Variants in LCOR observed in about 807,000 individuals in gnomAD.
The protein encoded by LCOR is ligand dependent nuclear receptor corepressor.
In LCOR, 14 loss-of-function variants were observed where a neutral mutation model predicts 64.4. The ratio of observed to expected loss-of-function variants is 0.22; its 90% CI spans 0.14 to 0.34. LCOR has a LOEUF of 0.34. Among genes scored for constraint, LCOR ranks in the 10% least tolerant of loss-of-function variants. The pLI is 1.00. For synonymous variants in LCOR, 643 were observed against 642.5 expected (o/e 1.00, Z -0.01); for missense variants, 1,686 against 1,765.3 (o/e 0.96, Z 0.80).
At chr10:96,891,273 T>G (rs180977232) in intron 2 of LCOR, among the ~76,000 whole-genome samples, 25 of 152,134 alleles carry the variant, frequency 1.6e-4, no homozygotes, top group Non-Finnish European at 1.8e-4. Flanking sequence ...TCATCTAGAT[T>G]ATCTAATTTG....
rs373104510 is a variant in LCOR at position 96,955,417 on chromosome 10, A to G, written c.332+3221A>G. On this transcript the variant is annotated intron_variant, in intron 7 of 7. Coordinates refer to ENST00000421806, the MANE Select transcript of LCOR (RefSeq NM_001346516.2). ...GTTCGAGGAATGGATCTTTCTTGGG[A>G]GTCTCGCACTGGTGATCAGTACAGC... 1.8e-5 allele frequency: 29 copies of G among 1,614,184 alleles called. No individual in the cohort carries two copies. In the African/African-American group the frequency reaches 2.5e-4, roughly 14 times the overall value.
chr10:96,977,079 T>C (rs779610417), intron 7 of LCOR, among the ~76,000 whole-genome samples: 2 of 152,222 alleles, frequency 1.3e-5, no homozygotes, highest in Non-Finnish European at 2.9e-5. Context: ...TATAGTCACC[T>C]ACCTTGGAAA....
In LCOR at chr10:96,912,424, C is replaced by T. The variant is rs549127027; in HGVS notation, c.-184+4677C>T. Among the ~76,000 whole-genome samples the T allele has an allele frequency of 9.2e-5, 14 of 152,250 alleles. No homozygotes were observed. In the South Asian group the frequency reaches 2.7e-3, roughly 29 times the overall value. ...CAATAGTATAATCTGCAAACCTTTG[C>T]GAATTTGCCAGTTATCCCACTAGTG... On this transcript the variant is annotated intron_variant, in intron 4 of 7. Coordinates refer to ENST00000421806, the MANE Select transcript of LCOR (RefSeq NM_001346516.2).
chr10:96,953,333 C>T (rs969618503), intron 7 of LCOR, among the ~76,000 whole-genome samples: 2 of 152,068 alleles, frequency 1.3e-5, no homozygotes, highest in African/African-American at 4.8e-5. Context: ...GGGCAGATCA[C>T]TTGAGGTCAG....
intron 4 of LCOR, among the ~76,000 whole-genome samples, chr10:96,909,450 A>G (rs1846790692): frequency 6.6e-6 from 1 of 152,136 alleles, no homozygotes; most frequent in Admixed American, 6.5e-5. Context: ...TGTCAATATT[A>G]TCTGTGCCAA....
At chr10:96,927,320 C>A (rs1429798817) in intron 4 of LCOR, among the ~76,000 whole-genome samples, 1 of 151,968 alleles carries the variant, frequency 6.6e-6, no homozygotes, top group Non-Finnish European at 1.5e-5. Flanking sequence ...TTGTTTGAAT[C>A]TTTTACCAAT....
At chr10:96,840,284 G>C (rs1360661540) in intron 2 of LCOR, among the ~76,000 whole-genome samples, 1 of 152,040 alleles carries the variant, frequency 6.6e-6, no homozygotes, top group Non-Finnish European at 1.5e-5. Context: ...TCTACTTTTT[G>C]ATAAAGAGAG....
chr10:96,833,975 CTT>C (rs1845395918), intron 2 of LCOR, among the ~76,000 whole-genome samples: 1 of 152,164 alleles, frequency 6.6e-6, no homozygotes, highest in Admixed American at 6.5e-5. Flanking sequence ...AGCTCAGTGT[CTT>C]TGTGTTTGAG....
chr10:96,888,501 A>T (rs560233619), intron 2 of LCOR, among the ~76,000 whole-genome samples: 48 of 151,916 alleles, frequency 3.2e-4, no homozygotes, highest in Non-Finnish European at 5.9e-4. Flanking sequence ...TTCTGATAGG[A>T]TCAGTAGTGA....
chr10:96,884,091 G>A lies in LCOR; in HGVS notation c.-329-23174G>A, dbSNP rs568364336. 6.4e-4 allele frequency among the ~76,000 whole-genome samples: 98 copies of A among 152,040 alleles called. 3 individuals are homozygous for A. In the South Asian group the frequency reaches 0.02, roughly 31 times the overall value. On this transcript the variant is annotated intron_variant, in intron 2 of 7. Coordinates refer to ENST00000421806, the MANE Select transcript of LCOR (RefSeq NM_001346516.2). ...TTTGCATAAATTATTCAAGTTCAGG[G>A]ACTTCTGAAGATTCAGGAGGTCAAA...
chr10:96,958,218 A>G, intron 7 of LCOR: 1 of 1,300,468 alleles, frequency 7.7e-7, no homozygotes, highest in Non-Finnish European at 9.8e-7. Context: ...CCCTCTCAGA[A>G]AGACATCACT....
In LCOR at chr10:96,981,525, G is replaced by T. The variant is rs1848085739; in HGVS notation, c.1065G>T (p.Gly355=). 6.2e-7 allele frequency: 1 copy of T among 1,614,062 alleles called. No homozygotes were observed. The highest frequency in any genetic ancestry group is 2.2e-5 in the East Asian group (1 of 44,900). Reference sequence around the variant, plus strand: ...TATCAGAAGAGGCTTGGAACTCAGGGTTTATGGGGAACTCATCTAGAACTG... The same window carrying T: ...TATCAGAAGAGGCTTGGAACTCAGGTTTTATGGGGAACTCATCTAGAACTG... The part of the protein sequence containing the change: ...KALSEEAWNS[G]FMGNSSRTAD... Residue 355 remains glycine, a synonymous_variant, in exon 8 of 8, where the codon GGG becomes GGT. Coordinates refer to ENST00000421806, the MANE Select transcript of LCOR (RefSeq NM_001346516.2).
At chr10:96,886,703 A>T (rs1188940852) in intron 2 of LCOR, among the ~76,000 whole-genome samples, 2 of 152,090 alleles carry the variant, frequency 1.3e-5, no homozygotes, top group East Asian at 3.9e-4. Flanking sequence ...ATTTTACTGG[A>T]TTGTTTGTCT....
chr10:96,958,250 C>A, intron 7 of LCOR: 1 of 1,329,146 alleles, frequency 7.5e-7, no homozygotes, highest in Non-Finnish European at 9.6e-7. Flanking sequence ...AAAAATCTGG[C>A]CCTAAAAGTT....
At chr10:96,929,799 C>T (rs1192854236) in intron 4 of LCOR, among the ~76,000 whole-genome samples, 1 of 152,152 alleles carries the variant, frequency 6.6e-6, no homozygotes, top group Non-Finnish European at 1.5e-5. Flanking sequence ...GCAACTCTTC[C>T]TTTCACTTGA....
chr10:96,927,424 T>G lies in LCOR; in HGVS notation c.-183-16689T>G, dbSNP rs138744520. ...GTTATACAAATATTTTCTCTGAGGCTTGTCTTTTTCTTTGCGTCATTTGAA... is the reference window on the plus strand; with the variant it reads ...GTTATACAAATATTTTCTCTGAGGCGTGTCTTTTTCTTTGCGTCATTTGAA... On this transcript the variant is annotated intron_variant, in intron 4 of 7. Transcript: ENST00000421806. 9.7e-3 allele frequency among the ~76,000 whole-genome samples: 1,469 copies of G among 152,200 alleles called. 31 individuals are homozygous for G. The highest frequency in any genetic ancestry group is 0.033 in the African/African-American group (1,389 of 41,576).
At position 96,926,728 on chromosome 10, in the gene LCOR, AG is replaced by A. The variant is rs145832429; in HGVS notation, c.-183-17384del. Among the ~76,000 whole-genome samples the A allele has an allele frequency of 1.0e-2, 1,515 of 152,258 alleles. 22 individuals carry two copies. Among genetic ancestry groups the A allele is most frequent in the African/African-American group, 0.031 (1,297 of 41,550 alleles). On this transcript the variant is annotated intron_variant, in intron 4 of 7. Transcript: ENST00000421806. ...TAGTCAGTCCCCTTCCCAGACTCCC[AG>A]ACCTGCACAATTATGAGTTTTACCT...
chr10:96,896,686 A>C (rs1846543253), intron 2 of LCOR, among the ~76,000 whole-genome samples: 1 of 152,078 alleles, frequency 6.6e-6, no homozygotes, highest in Non-Finnish European at 1.5e-5. Context: ...GCCCTTCCAA[A>C]GTGCTGGGAT....
chr10:96,994,656 C>T lies in LCOR; in HGVS notation c.*9522C>T, dbSNP rs1324667690. On this transcript the variant is annotated 3_prime_UTR_variant, in exon 8 of 8. Transcript: ENST00000421806. ...GACCTGTATTGTATCATTGGGGAGG[C>T]GACTACTTCTTGTGGTGGTAGGGGG... 3.4e-5 allele frequency: 5 copies of T among 147,724 alleles called. No homozygotes were observed. Among genetic ancestry groups the T allele is most frequent in the South Asian group, 2.1e-4 (1 of 4,678 alleles). 9.2% of individuals were successfully genotyped at this position (147,724 alleles called of 1,614,324 possible).
Sources: gnomAD v4.1 joint callset for allele counts (sites outside exome capture counted in the v4.1 genomes callset) on GRCh38, gnomAD v4.1.1 for gene constraint, MANE v1.5 for transcripts, NCBI Gene and HGNC (gene_info 2026-07-23, HGNC 2026-07-21) for gene names.